Variants in GMPS observed in about 807,000 individuals in gnomAD.
The protein encoded by GMPS is GMP synthase [glutamine-hydrolyzing].
Under a neutral mutation model 77.9 loss-of-function variants are expected in GMPS, and 15 were observed. The observed-to-expected ratio is 0.19, with a 90% CI of 0.13 to 0.30. The LOEUF is 0.30. Among genes scored for constraint, GMPS ranks in the 10% least tolerant of loss-of-function variants. The pLI, the probability that GMPS is intolerant of heterozygous loss-of-function variation, is 1.00. For missense variants in GMPS, 590 were observed against 838.8 expected, an observed-to-expected ratio of 0.70 and a Z score of 3.66; for synonymous variants, 224 against 275.9, an observed-to-expected ratio of 0.81 and a Z score of 1.86.
intron 1 of GMPS, among the ~76,000 whole-genome samples, chr3:155,878,684 G>A (rs1225339248): frequency 6.6e-6 from 1 of 152,228 alleles, no homozygotes; most frequent in Non-Finnish European, 1.5e-5. Flanking sequence ...ATAGATAATA[G>A]ATATATATAT....
intron 1 of GMPS, among the ~76,000 whole-genome samples, chr3:155,882,037 C>T (rs1754218648): frequency 6.6e-6 from 1 of 151,942 alleles, no homozygotes; most frequent in South Asian, 2.1e-4. Context: ...CACCGCACTC[C>T]AACCTGGGTG....
intron 1 of GMPS, among the ~76,000 whole-genome samples, chr3:155,882,457 A>G (rs1186319137): frequency 6.6e-6 from 1 of 152,194 alleles, no homozygotes; most frequent in Admixed American, 6.5e-5. Flanking sequence ...GCATTAGTTG[A>G]TTCAGATGTT....
At chr3:155,905,114 C>T (rs1313366181) in intron 4 of GMPS, among the ~76,000 whole-genome samples, 1 of 151,972 alleles carries the variant, frequency 6.6e-6, no homozygotes, top group African/African-American at 2.4e-5. Context: ...CTCCACCTCC[C>T]GGGTTCAAGT....
Position 155,936,524 on chromosome 3 carries a change from T to A in GMPS, c.1980+14T>A. 1.3e-6 allele frequency: 2 copies of A among 1,509,896 alleles called. No homozygotes were observed. Among genetic ancestry groups the A allele is most frequent in the Non-Finnish European group, 1.8e-6 (2 of 1,086,692 alleles). The allele number at this position is 1,509,896 out of a possible 1,614,324, so 93.5% of individuals were successfully genotyped here. A position where few individuals can be genotyped will look rare whatever the true frequency, so the allele number is the denominator to read the frequency against. ...ATCCCTGTAGAGGTAATTTATATAT[T>A]TTTTTCTAATGCACGTTCTCAGTAC... On this transcript the variant is annotated intron_variant, in intron 15 of 15. Transcript: ENST00000496455.
At chr3:155,880,225 CTT>C (rs2108052997) in intron 1 of GMPS, among the ~76,000 whole-genome samples, 1 of 152,070 alleles carries the variant, frequency 6.6e-6, no homozygotes, top group African/African-American at 2.4e-5. Context: ...TTATTTATGT[CTT>C]TGTTTCATTT....
intron 12 of GMPS, among the ~76,000 whole-genome samples, chr3:155,929,997 A>T (rs1455631716): frequency 2.7e-5 from 4 of 150,020 alleles, no homozygotes; most frequent in Non-Finnish European, 5.9e-5. Context: ...CTTTCTTCAC[A>T]GAATTGGAAA....
At chr3:155,913,875 C>G (rs1755101251) in intron 7 of GMPS, among the ~76,000 whole-genome samples, 1 of 151,916 alleles carries the variant, frequency 6.6e-6, no homozygotes, top group Non-Finnish European at 1.5e-5. Flanking sequence ...AGGAGATTCT[C>G]ACAGAAACAA....
chr3:155,873,160 C>T (rs1753943805), intron 1 of GMPS, among the ~76,000 whole-genome samples: 1 of 152,130 alleles, frequency 6.6e-6, no homozygotes, highest in African/African-American at 2.4e-5. Context: ...GTTTCTGGTA[C>T]ATTTCAGTTA....
At chr3:155,883,850 C>T (rs1020535238) in intron 1 of GMPS, among the ~76,000 whole-genome samples, 4 of 152,092 alleles carry the variant, frequency 2.6e-5, no homozygotes, top group African/African-American at 9.7e-5. Flanking sequence ...ACTTTTCCTT[C>T]TAATATTTTG....
Position 155,870,729 on chromosome 3 carries a change from G to T in GMPS, c.-142G>T. On this transcript the variant is annotated 5_prime_UTR_variant, in exon 1 of 16. Coordinates refer to ENST00000496455, the MANE Select transcript of GMPS (RefSeq NM_003875.3). ...CTGTTGCTCCATTCGGCGCTTTTCT[G>T]GCGGCTGGCTCCTCTCCGCTGCCGG... The T allele has an allele frequency of 1.7e-6, 1 of 588,104 alleles. No individual in the cohort carries two copies. Among genetic ancestry groups the T allele is most frequent in the Non-Finnish European group, 3.0e-6 (1 of 334,954 alleles). 36.4% of individuals were successfully genotyped at this position (588,104 alleles called of 1,614,324 possible).
At chr3:155,916,735 A>G (rs967964317) in intron 9 of GMPS, among the ~76,000 whole-genome samples, 3 of 152,290 alleles carry the variant, frequency 2.0e-5, no homozygotes, top group East Asian at 1.9e-4. Context: ...AATACTGGTC[A>G]TAAGTTTTTG....
chr3:155,917,313 G>A (rs1577525354), intron 9 of GMPS, among the ~76,000 whole-genome samples: 1 of 152,006 alleles, frequency 6.6e-6, no homozygotes, highest in African/African-American at 2.4e-5. Flanking sequence ...AGTAGTGTTA[G>A]GTGTATTCAC....
At chr3:155,889,699 C>T (rs913192498) in intron 1 of GMPS, among the ~76,000 whole-genome samples, 4 of 152,210 alleles carry the variant, frequency 2.6e-5, no homozygotes, top group Admixed American at 1.3e-4. Flanking sequence ...TCCATCTCCA[C>T]TTTTCCAGAA....
At chr3:155,896,644 C>G (rs2108078789) in intron 2 of GMPS, among the ~76,000 whole-genome samples, 1 of 150,870 alleles carries the variant, frequency 6.6e-6, no homozygotes, top group South Asian at 2.1e-4. Flanking sequence ...TGGTCTCGAG[C>G]TCCTGGGCTC....
Position 155,939,867 on chromosome 3 carries a change from A to G in GMPS, c.*2175A>G, listed in dbSNP as rs1260907021. 5.0e-6 allele frequency: 1 copy of G among 201,670 alleles called. No individual in the cohort carries two copies. The highest frequency in any genetic ancestry group is 1.0e-5 in the Non-Finnish European group (1 of 97,930). 12.5% of individuals were successfully genotyped at this position (201,670 alleles called of 1,614,324 possible). On this transcript the variant is annotated 3_prime_UTR_variant, in exon 16 of 16. Coordinates refer to ENST00000496455, the MANE Select transcript of GMPS (RefSeq NM_003875.3). Reference sequence around the variant, plus strand: ...ACCTTCACAGTATTTCATCTGAGCCACTGAGGAAAGTTAAAGGTTGCACTT... The same window carrying G: ...ACCTTCACAGTATTTCATCTGAGCCGCTGAGGAAAGTTAAAGGTTGCACTT...
intron 12 of GMPS, among the ~76,000 whole-genome samples, chr3:155,926,881 G>A (rs1338234232): frequency 6.6e-6 from 1 of 152,150 alleles, no homozygotes; most frequent in African/African-American, 2.4e-5. Context: ...GGGTGTGGTG[G>A]TGCATGCCTG....
At chr3:155,914,696 G>A in intron 8 of GMPS, 126 bp downstream of exon 8, 1 of 548,504 alleles carries the variant, frequency 1.8e-6, no homozygotes, top group South Asian at 3.2e-5. Flanking sequence ...ATGTGGCTGA[G>A]AGTTTTATTG....
At chr3:155,908,486 G>T (rs1175343768) in intron 5 of GMPS, among the ~76,000 whole-genome samples, 4 of 152,208 alleles carry the variant, frequency 2.6e-5, no homozygotes, top group Non-Finnish European at 5.9e-5. Context: ...AAAGAACCCG[G>T]TTTTTTCTAC....
intron 4 of GMPS, 115 bp downstream of exon 4, chr3:155,904,075 G>GC: frequency 1.9e-6 from 1 of 527,626 alleles, no homozygotes; most frequent in Non-Finnish European, 3.4e-6. Flanking sequence ...GGGTATAGTA[G>GC]TGACCACAAG....
Sources: allele counts gnomAD v4.1 joint callset (sites outside exome capture counted in the v4.1 genomes callset), GRCh38; gene constraint gnomAD v4.1.1; transcripts MANE v1.5; gene names NCBI Gene and HGNC (gene_info 2026-07-23, HGNC 2026-07-21).